Variants in PANX2 observed in about 807,000 individuals in gnomAD.
PANX2 encodes pannexin-2.
Under a neutral mutation model 38.7 loss-of-function variants are expected in PANX2, and 30 were observed. The ratio of observed to expected loss-of-function variants is 0.78; its 90% CI spans 0.58 to 1.05. The LOEUF is 1.05. Among genes scored for constraint, PANX2 ranks in the 50% least tolerant of loss-of-function variants. The probability of loss-of-function intolerance (pLI) is 0.00; values close to 1 mark genes in which losing one functional copy is unlikely to be tolerated. For missense variants in PANX2, 880 were observed against 979.3 expected, an observed-to-expected ratio of 0.90 and a Z score of 1.35; for synonymous variants, 539 against 472.1, an observed-to-expected ratio of 1.14 and a Z score of -1.84.
rs751084518 is a variant in PANX2, at chr22:50,179,080, C to T, written c.1837C>T (p.Pro613Ser). ...LTPASLGKAEPLTILSRNATH... is the reference protein window; with the variant it reads ...LTPASLGKAESLTILSRNATH... ...ACCAGCCAGCCTGGGCAAGGCGGAG[C>T]CCCTCACCATCCTGAGCCGAAACGC... The change falls in exon 3 of 3, where the codon CCC becomes TCC. Residue 613 changes from proline (P) to serine (S), a missense_variant. Physicochemically the swap from Pro to Ser is moderately conservative, Grantham distance 74. This residue lies in a region of PANX2 where 445 missense variants were observed against 404.3 expected (regional missense o/e 1.10). Transcript: ENST00000395842. 6.2e-7 allele frequency: 1 copy of T among 1,611,394 alleles called. No homozygotes were observed. Among genetic ancestry groups the T allele is most frequent in the Non-Finnish European group, 8.5e-7 (1 of 1,179,294 alleles).
At chr22:50,175,785 C>T (rs1419249842) in intron 1 of PANX2, among the ~76,000 whole-genome samples, 2 of 152,248 alleles carry the variant, frequency 1.3e-5, no homozygotes, top group Non-Finnish European at 2.9e-5. Context: ...GGGCTCGTTG[C>T]TGAGCCGGGT....
intron 1 of PANX2, among the ~76,000 whole-genome samples, chr22:50,172,369 G>A (rs553845946): frequency 5.9e-5 from 9 of 152,370 alleles, no homozygotes; most frequent in South Asian, 2.1e-4. Context: ...GCCTTGGCTC[G>A]TGGCCGTGCC....
chr22:50,173,067 T>C (rs1052707689), intron 1 of PANX2, among the ~76,000 whole-genome samples: 1 of 152,200 alleles, frequency 6.6e-6, no homozygotes, highest in African/African-American at 2.4e-5. Context: ...CGGCTAATTT[T>C]TTGTATTTTT....
chr22:50,178,193 G>GCC lies in PANX2; in HGVS notation c.1484_1485dup (p.Ala496ProfsTer61), dbSNP rs1569068802. The GCC allele has an allele frequency of 1.4e-6, 2 of 1,465,220 alleles. No individual in the cohort carries two copies. Among genetic ancestry groups the GCC allele is most frequent in the African/African-American group, 1.5e-5 (1 of 67,984 alleles). 90.8% of individuals were successfully genotyped at this position (1,465,220 alleles called of 1,614,324 possible). A position where few individuals can be genotyped will look rare whatever the true frequency, so the allele number is the denominator to read the frequency against. On this transcript the variant is annotated frameshift_variant, in exon 2 of 3. Coordinates refer to ENST00000395842, the MANE Select transcript of PANX2 (RefSeq NM_052839.4). LOFTEE classifies it high-confidence loss of function. Reference sequence around the variant, plus strand: ...GGCGGAGGGGGCGACCCGGGCCCCGGCCCCGCCCCTGCCCCCGCCCCGCCG... The same window carrying GCC: ...GGCGGAGGGGGCGACCCGGGCCCCGGCCCCCCGCCCCTGCCCCCGCCCCGCCG...
chr22:50,177,112 A>G lies in PANX2; in HGVS notation c.400A>G (p.Ile134Val). The G allele has an allele frequency of 5.0e-6, 8 of 1,610,388 alleles. No individual in the cohort carries two copies. The highest frequency in any genetic ancestry group is 1.7e-4 in the Middle Eastern group (1 of 6,052). Residue 134 changes from isoleucine (I) to valine (V), a missense_variant, in exon 2 of 3, where the codon ATC (isoleucine) becomes GTC (valine). Around this residue, in one of 4 missense-constraint regions of PANX2, gnomAD observed 243 missense variants for 333.1 expected, o/e 0.73. Transcript: ENST00000395842. ...LPYALLAFAA[I>V]MYVPALGWEF... ...CTACGCGCTGCTGGCCTTCGCCGCC[A>G]TCATGTACGTGCCCGCGCTGGGCTG...
At chr22:50,178,496 G>A (rs967471463) in intron 2 of PANX2, 94 bp downstream of exon 2, 5 of 810,564 alleles carry the variant, frequency 6.2e-6, no homozygotes, top group African/African-American at 5.5e-5. Context: ...CAGGGCGCTA[G>A]GGAAGGGAGG....
At chr22:50,176,118 G>A (rs776354908) in intron 1 of PANX2, among the ~76,000 whole-genome samples, 13 of 152,220 alleles carry the variant, frequency 8.5e-5, no homozygotes, top group Admixed American at 6.5e-5. Flanking sequence ...GCCTTCCTGG[G>A]AAACGTTAGC....
rs925789835 is a variant in PANX2 at position 50,178,326 on chromosome 22, C to T, written c.1614C>T (p.Ala538=). 2 of 1,507,304 alleles carry T rather than the reference C, an allele frequency of 1.3e-6. No individual in the cohort carries two copies. Among genetic ancestry groups the T allele is most frequent in the East Asian group, 2.6e-5 (1 of 38,330 alleles). The allele number at this position is 1,507,304 out of a possible 1,614,324, so 93.4% of individuals were successfully genotyped here. ...AGGCGGTGCCCGCCGCCCTGCCCGC[C>T]TCCCGGAGCCAGGAGGGGGGCTTCC... is the stretch of plus-strand genomic sequence containing the variant. ...KAEAVPAALP[A]SRSQEGGFLS... is the part of the protein sequence containing the mutation. The change falls in exon 2 of 3, where the codon GCC becomes GCT. Residue 538 remains alanine, a synonymous_variant. Coordinates refer to ENST00000395842, the MANE Select transcript of PANX2 (RefSeq NM_052839.4).
intron 1 of PANX2, among the ~76,000 whole-genome samples, chr22:50,176,269 T>A (rs1489170827): frequency 6.6e-6 from 1 of 152,248 alleles, no homozygotes; most frequent in Non-Finnish European, 1.5e-5. Context: ...ACCATTTGCC[T>A]GCAGTTCAAG....
At chr22:50,172,014 G>A (rs2063635061) in intron 1 of PANX2, among the ~76,000 whole-genome samples, 1 of 152,198 alleles carries the variant, frequency 6.6e-6, no homozygotes, top group Non-Finnish European at 1.5e-5. Context: ...CCCAGGGGTG[G>A]AGGAGGCCTC....
rs536372134 is a variant in PANX2, at chr22:50,173,111, T to C, written c.226+2155T>C. Among the ~76,000 whole-genome samples the C allele has an allele frequency of 2.1e-4, 32 of 152,228 alleles. No individual in the cohort carries two copies. The East Asian group carries it at 4.1e-3, about 19-fold the overall frequency. Reference sequence around the variant, plus strand: ...CGGGGTTTTGCCATGTTGGCCAGGATGGTCTCGATCTCCTGACCTCGTGAT... The same window carrying C: ...CGGGGTTTTGCCATGTTGGCCAGGACGGTCTCGATCTCCTGACCTCGTGAT... On this transcript the variant is annotated intron_variant, in intron 1 of 2. Transcript: ENST00000395842.
At chr22:50,176,466 C>T (rs1041320511) in intron 1 of PANX2, among the ~76,000 whole-genome samples, 3 of 152,192 alleles carry the variant, frequency 2.0e-5, no homozygotes, top group Non-Finnish European at 4.4e-5. Flanking sequence ...TGGAAACCAC[C>T]CTGCCAGCTA....
Position 50,178,198 on chromosome 22 carries a change from G to GGC in PANX2, c.1486_1487insGC (p.Ala496GlyfsTer61). ...AGGGGGCGACCCGGGCCCCGGCCCC[G>GGC]CCCCTGCCCCCGCCCCGCCGCCCGC... On this transcript the variant is annotated frameshift_variant, in exon 2 of 3. Transcript: ENST00000395842. LOFTEE classifies it high-confidence loss of function. 5 of 834,176 alleles carry GGC rather than the reference G, an allele frequency of 6.0e-6. No homozygotes were observed. Among genetic ancestry groups the GGC allele is most frequent in the African/African-American group, 1.9e-5 (1 of 51,742 alleles). The allele number at this position is 834,176 out of a possible 1,614,324, so 51.7% of individuals were successfully genotyped here. A position where few individuals can be genotyped will look rare whatever the true frequency, so the allele number is the denominator to read the frequency against.
rs780943862 is a variant in PANX2, at chr22:50,177,211, C to A, written c.499C>A (p.Arg167=). 5 of 1,610,592 alleles carry A rather than the reference C, an allele frequency of 3.1e-6. No individual in the cohort carries two copies. The highest frequency in any genetic ancestry group is 3.4e-6 in the Non-Finnish European group (4 of 1,178,956). Residue 167 remains arginine, a synonymous_variant, in exon 2 of 3, where the codon CGG becomes AGG. Transcript: ENST00000395842. Reference sequence around the variant, plus strand: ...GCAGGAGATCGACAACTGTTACCACCGGGCGGCCGAGGGCCGCGCGCCCAA... The same window carrying A: ...GCAGGAGATCGACAACTGTTACCACAGGGCGGCCGAGGGCCGCGCGCCCAA... ...LLQEIDNCYH[R]AAEGRAPKIE...
intron 2 of PANX2, 47 bp downstream of exon 2, chr22:50,178,449 A>C: frequency 8.0e-7 from 1 of 1,249,982 alleles, no homozygotes; most frequent in Non-Finnish European, 1.0e-6. Flanking sequence ...GGGGTGGGAG[A>C]GGCGCCCACA....
At chr22:50,173,261 G>T (rs1327607256) in intron 1 of PANX2, among the ~76,000 whole-genome samples, 1 of 152,210 alleles carries the variant, frequency 6.6e-6, no homozygotes, top group African/African-American at 2.4e-5. Flanking sequence ...TCGATCTCCT[G>T]ATCTCAGGTG....
In PANX2 at chr22:50,177,157, C is replaced by G. The variant is rs200374068; in HGVS notation, c.445C>G (p.Arg149Gly). The change falls in exon 2 of 3, where the codon CGC becomes GGC. Residue 149 changes from arginine (R) to glycine (G), a missense_variant. Arg to Gly is a moderately radical substitution (Grantham distance 125). This residue lies in a region of PANX2 where 243 missense variants were observed against 333.1 expected (regional missense o/e 0.73). Transcript: ENST00000395842. Reference sequence around the variant, plus strand: ...GGGCTGGGAGTTCCTGGCCTCCACGCGCCTCACCTCCGAGCTCAACTTCCT... The same window carrying G: ...GGGCTGGGAGTTCCTGGCCTCCACGGGCCTCACCTCCGAGCTCAACTTCCT... ...ALGWEFLAST[R>G]LTSELNFLLQ... The G allele has an allele frequency of 6.2e-7, 1 of 1,607,972 alleles. No individual in the cohort carries two copies. Among genetic ancestry groups the G allele is most frequent in the East Asian group, 2.2e-5 (1 of 44,720 alleles).
At chr22:50,178,800 G>A in intron 2 of PANX2, 134 bp from the exon 3 acceptor site, 1 of 716,352 alleles carries the variant, frequency 1.4e-6, no homozygotes, top group Non-Finnish European at 2.3e-6. Flanking sequence ...TGTGTGCAGG[G>A]GCGTCCAGGC....
Position 50,177,386 on chromosome 22 carries a change from A to G in PANX2, c.674A>G (p.Lys225Arg), listed in dbSNP as rs2063667790. The G allele has an allele frequency of 1.9e-6, 3 of 1,610,018 alleles. No individual in the cohort carries two copies. The highest frequency in any genetic ancestry group is 2.5e-6 in the Non-Finnish European group (3 of 1,178,752). ...CGCGGCCGCAGCAACTTCCTGGCCA[A>G]GCTGTACCTGGCGCGGCACGTGCTG... ...ERRGRSNFLA[K>R]LYLARHVLIL... The change falls in exon 2 of 3, where the codon AAG (lysine) becomes AGG (arginine). Residue 225 changes from lysine to arginine, a missense_variant. Coordinates refer to ENST00000395842, the MANE Select transcript of PANX2 (RefSeq NM_052839.4).
Sources: gnomAD v4.1 joint callset for allele counts (sites outside exome capture counted in the v4.1 genomes callset) on GRCh38, gnomAD v4.1.1 for gene constraint, gnomAD v4.1.1 regional missense constraint, MANE v1.5 for transcripts, NCBI Gene and HGNC (gene_info 2026-07-23, HGNC 2026-07-21) for gene names.